KLF13: variants seen among roughly 807,000 people sequenced by gnomAD.
The protein encoded by KLF13 is Krueppel-like factor 13.
KLF13 carries 8 observed loss-of-function variants against 16.7 expected under a neutral mutation model. That is an observed-to-expected ratio of 0.48 (90% confidence interval 0.28 to 0.87). The LOEUF (loss-of-function observed/expected upper bound fraction) is 0.87, where lower values mean the gene tolerates loss of function less well. Among genes scored for constraint, KLF13 ranks in the 40% least tolerant of loss-of-function variants. The pLI, the probability that KLF13 is intolerant of heterozygous loss-of-function variation, is 0.10. For missense variants in KLF13, 447 were observed against 452.2 expected, an observed-to-expected ratio of 0.99 and a Z score of 0.10; for synonymous variants, 245 against 208.4, an observed-to-expected ratio of 1.18 and a Z score of -1.51.
rs553061134 is a variant in KLF13 at position 31,342,909 on chromosome 15, A to G, written c.577+15120A>G. On this transcript the variant is annotated intron_variant, in intron 1 of 1. Coordinates refer to ENST00000307145, the MANE Select transcript of KLF13 (RefSeq NM_015995.4). ...GCGCTTCCTGTGGTCGGAGGTGAACATTTGGAGTGACTAAGGAGAGCATGG... is the reference window on the plus strand; with the variant it reads ...GCGCTTCCTGTGGTCGGAGGTGAACGTTTGGAGTGACTAAGGAGAGCATGG... 2.0e-5 allele frequency among the ~76,000 whole-genome samples: 3 copies of G among 152,156 alleles called. No homozygotes were observed. In the South Asian group the frequency reaches 6.2e-4, roughly 32 times the overall value.
intron 1 of KLF13, among the ~76,000 whole-genome samples, chr15:31,328,594 G>T (rs1245311377): frequency 6.6e-6 from 1 of 151,826 alleles, no homozygotes; most frequent in Admixed American, 6.5e-5. Context: ...CACCTGCCCT[G>T]GGCCGGTGCG....
At chr15:31,404,413 A>G (rs2040085194) in exon 3 of KLF13, 1 of 151,906 alleles carries the variant, frequency 6.6e-6, no homozygotes, top group African/African-American at 2.4e-5. Context: ...ACAAATCAGC[A>G]CTCTGTAGAT....
chr15:31,429,691 A>T (rs1476451109), intron 1 of KLF13, among the ~76,000 whole-genome samples: 1 of 145,118 alleles, frequency 6.9e-6, no homozygotes, highest in Non-Finnish European at 1.5e-5. Context: ...ACAGAGAAAG[A>T]TTCTTTTATT....
At chr15:31,425,228 C>T (rs1016442463) in intron 1 of KLF13, among the ~76,000 whole-genome samples, 1 of 152,094 alleles carries the variant, frequency 6.6e-6, no homozygotes, top group Non-Finnish European at 1.5e-5. Context: ...ATTTGCAGAT[C>T]CACTGCAATA....
chr15:31,346,240 C>T (rs1271330498), intron 1 of KLF13, among the ~76,000 whole-genome samples: 1 of 152,218 alleles, frequency 6.6e-6, no homozygotes, highest in African/African-American at 2.4e-5. Context: ...CTGAAACTCA[C>T]AGCCTTCTCC....
chr15:31,360,055 C>T (rs1157981736), intron 1 of KLF13, among the ~76,000 whole-genome samples: 4 of 152,176 alleles, frequency 2.6e-5, no homozygotes, highest in Non-Finnish European at 4.4e-5. Flanking sequence ...CTTGGAGTCC[C>T]GTACAGAGCT....
At chr15:31,362,883 T>G (rs958825214) in intron 1 of KLF13, among the ~76,000 whole-genome samples, 3 of 152,242 alleles carry the variant, frequency 2.0e-5, no homozygotes, top group Non-Finnish European at 4.4e-5. Context: ...AAGAACTCAT[T>G]CTACTTCTTT....
chr15:31,430,626 A>T (rs2040460853), intron 1 of KLF13, among the ~76,000 whole-genome samples: 1 of 152,140 alleles, frequency 6.6e-6, no homozygotes, highest in Non-Finnish European at 1.5e-5. Flanking sequence ...TTAAGGCCCC[A>T]CCTCTCAACA....
At chr15:31,413,203 C>CAAAAAAAAAAAAAAA (rs1341640127) in intron 1 of KLF13, among the ~76,000 whole-genome samples, 1 of 130,240 alleles carries the variant, frequency 7.7e-6, no homozygotes. Context: ...AAAAAAAAAA[C>CAAAAAAAAAAAAAAA]AAAAAACAAA....
chr15:31,400,645 G>A (rs894572080), intron 2 of KLF13, among the ~76,000 whole-genome samples: 1 of 152,120 alleles, frequency 6.6e-6, no homozygotes, highest in Non-Finnish European at 1.5e-5. Flanking sequence ...TTCTAGCAGA[G>A]GGGTGGCAGG....
At chr15:31,387,011 A>G (rs2039803033) in intron 1 of KLF13, among the ~76,000 whole-genome samples, 2 of 152,212 alleles carry the variant, frequency 1.3e-5, no homozygotes, top group African/African-American at 4.8e-5. Context: ...CTTCTTATGG[A>G]TGAGCAAAAA....
At position 31,372,036 on chromosome 15, in the gene KLF13, C is replaced by G; in HGVS notation, c.604C>G (p.Gln202Glu). Residue 202 changes from glutamine (Q) to glutamate (E), a missense_variant, in exon 2 of 2, where the codon CAG (glutamine) becomes GAG (glutamate). Physicochemically the swap from Gln to Glu is conservative, Grantham distance 29. Transcript: ENST00000307145. ...TGAGAGGCCCTTCGCCTGCAGCTGG[C>G]AGGACTGCAACAAGAAGTTCGCGCG... ...TGERPFACSW[Q>E]DCNKKFARSD... 6.2e-7 allele frequency: 1 copy of G among 1,609,712 alleles called. No homozygotes were observed.
At chr15:31,420,272 G>A in intron 1 of KLF13, 1 of 785,588 alleles carries the variant, frequency 1.3e-6, no homozygotes, top group Non-Finnish European at 2.2e-6. Context: ...TGGTGACAAA[G>A]GGATTTCTGC....
intron 1 of KLF13, among the ~76,000 whole-genome samples, chr15:31,330,900 C>T (rs2038819253): frequency 6.6e-6 from 1 of 152,196 alleles, no homozygotes; most frequent in African/African-American, 2.4e-5. Flanking sequence ...AGACCAGGAG[C>T]AGATTTTCTT....
downstream of KLF13, among the ~76,000 whole-genome samples, chr15:31,382,322 G>A (rs540719734): frequency 1.1e-3 from 164 of 152,320 alleles, 2 homozygotes; most frequent in African/African-American, 3.8e-3. Context: ...AGGGAGGTGT[G>A]AGTAGTCCCA....
At chr15:31,411,817 C>T (rs1595506872) in intron 1 of KLF13, among the ~76,000 whole-genome samples, 4 of 152,232 alleles carry the variant, frequency 2.6e-5, no homozygotes, top group Admixed American at 2.6e-4. Context: ...TCCAATCTGT[C>T]AATCTATTTG....
At chr15:31,342,759 G>A (rs1468700037) in intron 1 of KLF13, among the ~76,000 whole-genome samples, 1 of 152,182 alleles carries the variant, frequency 6.6e-6, no homozygotes, top group Non-Finnish European at 1.5e-5. Flanking sequence ...GCAAATATGA[G>A]GATTGTTTCC....
chr15:31,353,933 C>T (rs1343687366), intron 1 of KLF13, among the ~76,000 whole-genome samples: 2 of 152,248 alleles, frequency 1.3e-5, no homozygotes. Flanking sequence ...TACACCCCCA[C>T]AGCCCTGCCT....
intron 1 of KLF13, among the ~76,000 whole-genome samples, chr15:31,414,374 A>G (rs1422679793): frequency 6.6e-6 from 1 of 152,228 alleles, no homozygotes; most frequent in Non-Finnish European, 1.5e-5. Flanking sequence ...AATTATATCA[A>G]TAATATCAAA....
Sources: allele counts gnomAD v4.1 joint callset (sites outside exome capture counted in the v4.1 genomes callset), GRCh38; gene constraint gnomAD v4.1.1; transcripts MANE v1.5; gene names NCBI Gene and HGNC (gene_info 2026-07-23, HGNC 2026-07-21).